The following UBN2 variants were observed in gnomAD, a reference collection of about 807,000 sequenced individuals.
The protein encoded by UBN2 is ubinuclein 2, also known as ubinuclein-2.
UBN2 carries 35 observed loss-of-function variants against 120.2 expected under a neutral mutation model. The ratio of observed to expected loss-of-function variants is 0.29; its 90% CI spans 0.22 to 0.39. UBN2 has a LOEUF of 0.39. UBN2 is among the 10% of genes least tolerant of loss of function. The pLI is 1.00. For synonymous variants in UBN2, 661 were observed against 648.7 expected (o/e 1.02, Z -0.29); for missense variants, 1,693 against 1,663.2 (o/e 1.02, Z -0.31).
chr7:139,281,697 T>A (rs1797617014), intron 13 of UBN2, among the ~76,000 whole-genome samples: 1 of 152,250 alleles, frequency 6.6e-6, no homozygotes, highest in South Asian at 2.1e-4. Context: ...CAAAAAGTTA[T>A]TTTAAAACAG....
At chr7:139,242,441 A>G (rs1046017745) in intron 2 of UBN2, among the ~76,000 whole-genome samples, 1 of 152,226 alleles carries the variant, frequency 6.6e-6, no homozygotes, top group African/African-American at 2.4e-5. Flanking sequence ...ACACCACCAC[A>G]AAGTAAATTC....
intron 7 of UBN2, among the ~76,000 whole-genome samples, chr7:139,268,115 A>G (rs1797153211): frequency 1.3e-5 from 2 of 152,220 alleles, no homozygotes; most frequent in African/African-American, 4.8e-5. Context: ...TCAAAAGACC[A>G]TCCTTGGGAC....
At chr7:139,284,945 C>T (rs892736251) in intron 15 of UBN2, among the ~76,000 whole-genome samples, 8 of 152,272 alleles carry the variant, frequency 5.3e-5, no homozygotes, top group African/African-American at 1.9e-4. Flanking sequence ...AAAGTAGTAA[C>T]TTAGGAATTT....
At chr7:139,314,037 G>A in the UBN2 span, among the ~76,000 whole-genome samples, 2 of 151,000 alleles carry the variant, frequency 1.3e-5, no homozygotes, top group Non-Finnish European at 3.0e-5. Context: ...TAGTAGAGAT[G>A]GGGTTTCACC....
chr7:139,271,750 T>C (rs1797281383), intron 8 of UBN2, among the ~76,000 whole-genome samples: 1 of 152,214 alleles, frequency 6.6e-6, no homozygotes, highest in Admixed American at 6.5e-5. Context: ...AAACCTACTT[T>C]CTTTTTTGCC....
rs550829887 is a variant in UBN2, at chr7:139,290,057, C to T, written c.3670-3175C>T. On this transcript the variant is annotated intron_variant, in intron 15 of 17. Transcript: ENST00000473989. ...TACAGGCATGCGCCACCACACCTGG[C>T]TAATTTTTGTATTGTATTAATGGAT... 7.9e-5 allele frequency among the ~76,000 whole-genome samples: 12 copies of T among 152,214 alleles called. No homozygotes were observed. The East Asian group carries it at 2.3e-3, about 29-fold the overall frequency.
the UBN2 span, among the ~76,000 whole-genome samples, chr7:139,316,107 AGGG>A: frequency 1.4e-3 from 162 of 116,088 alleles, 39 homozygotes; most frequent in African/African-American, 2.4e-3. Context: ...AAAAAAAAAA[AGGG>A]GTTCCAGTTC....
At chr7:139,278,733 G>A (rs1019191308) in intron 12 of UBN2, among the ~76,000 whole-genome samples, 32 of 152,086 alleles carry the variant, frequency 2.1e-4, no homozygotes, top group Non-Finnish European at 4.3e-4. Context: ...AATAGGCAAG[G>A]TGAAGTATTT....
At chr7:139,277,296 C>G (rs1038156309) in intron 12 of UBN2, 1 of 152,124 alleles carries the variant, frequency 6.6e-6, no homozygotes, top group African/African-American at 2.4e-5. Context: ...GATTTCACCC[C>G]CTCATCCCAC....
chr7:139,293,959 A>G lies in UBN2; in HGVS notation c.3972A>G (p.Ala1324=), dbSNP rs146645750. 980 of 1,614,158 alleles carry G rather than the reference A, an allele frequency of 6.1e-4. 2 individuals are homozygous for G. Among genetic ancestry groups the G allele is most frequent in the Non-Finnish European group, 7.6e-4 (896 of 1,180,002 alleles). The change falls in exon 17 of 18, where the codon GCA becomes GCG. Residue 1324 remains alanine (A), a synonymous_variant. Transcript: ENST00000473989. ...AATLSHSPLP[A]HLQQAFHDGG... ...CGCTTTCCCACTCACCTCTGCCTGC[A>G]CACTTACAGCAAGCATTTCACGGTG...
At chr7:139,243,081 CA>C (rs1352022607) in intron 2 of UBN2, among the ~76,000 whole-genome samples, 16 of 152,104 alleles carry the variant, frequency 1.1e-4, no homozygotes, top group African/African-American at 3.6e-4. Context: ...AATTTGGGGT[CA>C]GGGGGTCTAG....
Position 139,293,882 on chromosome 7 carries a change from C to T in UBN2, c.3902-7C>T. Reference sequence around the variant, plus strand: ...AAAGATGACTGACAAGTCTGTTTTCCTCTCAGATTTACTAAAGGGTTTACA... The same window carrying T: ...AAAGATGACTGACAAGTCTGTTTTCTTCTCAGATTTACTAAAGGGTTTACA... On this transcript the variant is annotated splice_region_variant and splice_polypyrimidine_tract_variant and intron_variant, in intron 16 of 17. Transcript: ENST00000473989. The T allele has an allele frequency of 6.2e-7, 1 of 1,613,348 alleles. No individual in the cohort carries two copies. The highest frequency in any genetic ancestry group is 8.5e-7 in the Non-Finnish European group (1 of 1,179,378).
At chr7:139,284,700 A>G (rs2131042199) in intron 15 of UBN2, 126 bp downstream of exon 15, 1 of 806,010 alleles carries the variant, frequency 1.2e-6, no homozygotes. Flanking sequence ...TACAGCCTGC[A>G]GCCATGGAAT....
At chr7:139,279,712 C>T (rs904169713) in intron 13 of UBN2, among the ~76,000 whole-genome samples, 1 of 152,190 alleles carries the variant, frequency 6.6e-6, no homozygotes, top group Non-Finnish European at 1.5e-5. Context: ...GTCGCTTACA[C>T]TTTGGTTGCC....
At chr7:139,247,775 A>G (rs1796511037) in intron 2 of UBN2, among the ~76,000 whole-genome samples, 1 of 152,022 alleles carries the variant, frequency 6.6e-6, no homozygotes, top group Admixed American at 6.6e-5. Context: ...AATTCCCCAT[A>G]CTAGTAGTCA....
chr7:139,281,286 GT>G (rs1056694096), intron 13 of UBN2, among the ~76,000 whole-genome samples: 2 of 151,998 alleles, frequency 1.3e-5, no homozygotes, highest in Non-Finnish European at 2.9e-5. Flanking sequence ...TGTTAATGTG[GT>G]TTTTTTCTAC....
In UBN2 at chr7:139,235,253, C is replaced by T. The variant is rs571884486; in HGVS notation, c.469-1752C>T. Among the ~76,000 whole-genome samples, 42 of 152,214 alleles carry T rather than the reference C, an allele frequency of 2.8e-4. 2 individuals carry two copies. The South Asian group carries it at 7.0e-3, about 26-fold the overall frequency. On this transcript the variant is annotated intron_variant, in intron 1 of 17. Transcript: ENST00000473989. ...AGGGAGCAGTTTGTAATAGGCATGG[C>T]GATTGCTTACTGTCCTTAACCTGAG...
downstream of UBN2, among the ~76,000 whole-genome samples, chr7:139,312,711 G>C (rs968813649): frequency 6.6e-6 from 1 of 152,086 alleles, no homozygotes; most frequent in African/African-American, 2.4e-5. Context: ...GTTTACTTAT[G>C]AAATATTTCC....
intron 13 of UBN2, among the ~76,000 whole-genome samples, chr7:139,280,890 C>T (rs1374114688): frequency 3.9e-5 from 6 of 152,188 alleles, no homozygotes; most frequent in African/African-American, 9.7e-5. Context: ...GTGATCCACC[C>T]GCCTTGGCCT....
Sources: gnomAD v4.1 joint callset for allele counts (sites outside exome capture counted in the v4.1 genomes callset) on GRCh38, gnomAD v4.1.1 for gene constraint, MANE v1.5 for transcripts, NCBI Gene and HGNC (gene_info 2026-07-23, HGNC 2026-07-21) for gene names.